The following TMCC1 variants were observed in gnomAD, a reference collection of about 807,000 sequenced individuals.
The protein encoded by TMCC1 is transmembrane and coiled-coil domains protein 1.
Under a neutral mutation model 52.4 loss-of-function variants are expected in TMCC1, and 15 were observed. The observed-to-expected ratio is 0.29, with a 90% CI of 0.19 to 0.44. The LOEUF (loss-of-function observed/expected upper bound fraction) is 0.44, where lower values mean the gene tolerates loss of function less well. Ranked by LOEUF, TMCC1 falls within the 20% of genes least tolerant of loss-of-function variation. TMCC1 has a pLI of 1.00. For missense variants in TMCC1, 503 were observed against 806.0 expected, an observed-to-expected ratio of 0.62 and a Z score of 4.55; for synonymous variants, 279 against 301.9, an observed-to-expected ratio of 0.92 and a Z score of 0.79.
intron 2 of TMCC1, among the ~76,000 whole-genome samples, chr3:129,870,972 T>TA (rs1422982577): frequency 6.6e-6 from 1 of 150,722 alleles, no homozygotes; most frequent in Non-Finnish European, 1.5e-5. Context: ...CAATGTTAGC[T>TA]TTTTTTTTAA....
In TMCC1 at chr3:129,823,241, G is replaced by A. The variant is rs183720429; in HGVS notation, c.576+4562C>T. On this transcript the variant is annotated intron_variant, in intron 4 of 6. Transcript: ENST00000393238. ...CTTGGGAGGCTGAGGCAGGAGAATC[G>A]CTTGAACCCAGGAGGTGGAGGTTGA... Among the ~76,000 whole-genome samples the A allele has an allele frequency of 3.4e-3, 517 of 152,124 alleles. 2 individuals carry two copies. Among genetic ancestry groups the A allele is most frequent in the Admixed American group, 5.0e-3 (76 of 15,278 alleles).
intron 4 of TMCC1, among the ~76,000 whole-genome samples, chr3:129,713,726 GA>G (rs1181109192): frequency 2.2e-4 from 29 of 131,530 alleles, no homozygotes; most frequent in South Asian, 7.5e-4. Context: ...AAAAAAAAAA[GA>G]AAAAAAAAAG....
chr3:129,865,849 AT>A (rs897167777), intron 2 of TMCC1, among the ~76,000 whole-genome samples: 5 of 152,328 alleles, frequency 3.3e-5, no homozygotes, highest in East Asian at 1.9e-4. Context: ...ATGCAAAAAA[AT>A]ATCACTGCAA....
chr3:129,737,286 C>T (rs368637197), intron 4 of TMCC1, among the ~76,000 whole-genome samples: 25 of 152,082 alleles, frequency 1.6e-4, no homozygotes, highest in African/African-American at 6.0e-4. Context: ...CCAGTCTGGT[C>T]TGGCCAACAT....
At chr3:129,890,820 G>C (rs1459403908) in intron 1 of TMCC1, among the ~76,000 whole-genome samples, 2 of 152,132 alleles carry the variant, frequency 1.3e-5, no homozygotes, top group Non-Finnish European at 2.9e-5. Context: ...TTTTCCAGAA[G>C]AGTTTTCATC....
intron 4 of TMCC1, among the ~76,000 whole-genome samples, chr3:129,704,447 C>T (rs1372195797): frequency 6.6e-6 from 1 of 152,146 alleles, no homozygotes; most frequent in Middle Eastern, 3.2e-3. Context: ...GAGACAGAGT[C>T]TCACTCTATT....
intron 4 of TMCC1, among the ~76,000 whole-genome samples, chr3:129,782,031 G>T (rs2055576112): frequency 6.6e-6 from 1 of 152,112 alleles, no homozygotes; most frequent in African/African-American, 2.4e-5. Flanking sequence ...AGATGGGGAA[G>T]ACCAAGAGAA....
At chr3:129,738,203 AGAGGTTGCAGTGAGCC>A (rs1374242004) in intron 4 of TMCC1, among the ~76,000 whole-genome samples, 1 of 148,080 alleles carries the variant, frequency 6.8e-6, no homozygotes, top group Non-Finnish European at 1.5e-5. Flanking sequence ...CCTGGGAGGC[AGAGGTTGCAGTGAGCC>A]GAGATTGTGC....
rs572725208 is a variant in TMCC1, at chr3:129,878,134, T to C, written c.-184+2175A>G. Among the ~76,000 whole-genome samples the C allele has an allele frequency of 1.7e-3, 245 of 146,554 alleles. 1 individual carries two copies. The highest frequency in any genetic ancestry group is 1.1e-3 in the Admixed American group (16 of 14,580). On this transcript the variant is annotated intron_variant, in intron 2 of 6. Transcript: ENST00000393238. Reference sequence around the variant, plus strand: ...CCACCATGCCTAGGTAATTTTTTACTTTTTTTTTTAGTAGAGATGGGGTTT... The same window carrying C: ...CCACCATGCCTAGGTAATTTTTTACCTTTTTTTTTAGTAGAGATGGGGTTT...
At chr3:129,693,995 G>A (rs965916543) in intron 4 of TMCC1, among the ~76,000 whole-genome samples, 2 of 152,136 alleles carry the variant, frequency 1.3e-5, no homozygotes, top group African/African-American at 4.8e-5. Flanking sequence ...AACAATAGTT[G>A]ACTTGATATA....
At chr3:129,780,243 A>G (rs1455440006) in intron 4 of TMCC1, among the ~76,000 whole-genome samples, 1 of 152,138 alleles carries the variant, frequency 6.6e-6, no homozygotes, top group Admixed American at 6.6e-5. Context: ...TGATAATTAC[A>G]AGATTTGTAT....
chr3:129,676,071 T>C (rs1382023877), intron 4 of TMCC1, among the ~76,000 whole-genome samples: 2 of 145,078 alleles, frequency 1.4e-5, no homozygotes, highest in Admixed American at 6.7e-5. Context: ...ATTACAGATG[T>C]TGTTATCACT....
Position 129,874,191 on chromosome 3 carries a change from GAAATAA to G in TMCC1, c.-184+6112_-184+6117del, listed in dbSNP as rs1246005776. 2.6e-5 allele frequency among the ~76,000 whole-genome samples: 4 copies of G among 152,118 alleles called. No individual in the cohort carries two copies. In the East Asian group the frequency reaches 7.7e-4, roughly 29 times the overall value. ...GCATATTCCTATTCAAAATGAGTTTGAAATAAAAATGTTAAAAACTTCTTTTAGACT... is the reference window on the plus strand; with the variant it reads ...GCATATTCCTATTCAAAATGAGTTTGAAATGTTAAAAACTTCTTTTAGACT... On this transcript the variant is annotated intron_variant, in intron 2 of 6. Coordinates refer to ENST00000393238, the MANE Select transcript of TMCC1 (RefSeq NM_001017395.5).
At chr3:129,877,427 CCAA>C (rs1442828582) in intron 2 of TMCC1, among the ~76,000 whole-genome samples, 3 of 152,132 alleles carry the variant, frequency 2.0e-5, no homozygotes, top group Non-Finnish European at 4.4e-5. Context: ...CTCATCTTCC[CCAA>C]CTCTAAACTC....
intron 4 of TMCC1, among the ~76,000 whole-genome samples, chr3:129,772,468 C>A (rs2054668188): frequency 6.6e-6 from 1 of 152,026 alleles, no homozygotes; most frequent in Non-Finnish European, 1.5e-5. Context: ...GTAATCCCAG[C>A]ACTTTGGGAA....
intron 4 of TMCC1, among the ~76,000 whole-genome samples, chr3:129,763,022 C>A (rs1393474135): frequency 6.6e-6 from 1 of 151,282 alleles, no homozygotes; most frequent in Non-Finnish European, 1.5e-5. Flanking sequence ...CATGGTGAAA[C>A]CCCGTCTCTA....
At chr3:129,678,849 C>T (rs2108911447) in intron 4 of TMCC1, among the ~76,000 whole-genome samples, 1 of 152,278 alleles carries the variant, frequency 6.6e-6, no homozygotes, top group South Asian at 2.1e-4. Flanking sequence ...TATGTATACA[C>T]CATATTGTCC....
chr3:129,703,924 A>T (rs1254647976), intron 4 of TMCC1, among the ~76,000 whole-genome samples: 1 of 152,238 alleles, frequency 6.6e-6, no homozygotes, highest in African/African-American at 2.4e-5. Flanking sequence ...TGGTAGTTTT[A>T]ACCTGAGAGG....
chr3:129,773,149 C>T (rs1187302200), intron 4 of TMCC1, among the ~76,000 whole-genome samples: 3 of 152,146 alleles, frequency 2.0e-5, no homozygotes, highest in Non-Finnish European at 4.4e-5. Flanking sequence ...AATAAACTAT[C>T]GTCTAATCCC....
Sources: allele counts gnomAD v4.1 joint callset (sites outside exome capture counted in the v4.1 genomes callset), GRCh38; gene constraint gnomAD v4.1.1; transcripts MANE v1.5; gene names NCBI Gene and HGNC (gene_info 2026-07-23, HGNC 2026-07-21).